The following NKAP variants were observed in gnomAD, a reference collection of about 807,000 sequenced individuals.
The protein encoded by NKAP is NFKB activating protein, also known as NF-kappa-B-activating protein.
Under a neutral mutation model 35.6 loss-of-function variants are expected in NKAP, and 4 were observed. That is an observed-to-expected ratio of 0.11 (90% CI 0.06 to 0.26). NKAP has a LOEUF of 0.26. NKAP is among the 10% of genes least tolerant of loss of function. The pLI is 1.00. For synonymous variants in NKAP, 106 were observed against 119.2 expected (o/e 0.89, Z 0.72); for missense variants, 238 against 321.9 (o/e 0.74, Z 1.99).
chrX:119,943,463 G>T lies in NKAP; in HGVS notation c.143C>A (p.Ser48Tyr). The T allele has an allele frequency of 8.3e-7, 1 of 1,211,636 alleles. No individual in the cohort carries two copies. The highest frequency in any genetic ancestry group is 1.1e-6 in the Non-Finnish European group (1 of 895,189). ...GAGTCCATTCCGGTCCCCGGACCGA[G>T]AGCAAGAGTGCGAGCGAGAGCGGCG... Reference protein sequence around the residue: ...RGRRSRSHSCSRSGDRNGLTH... With the variant: ...RGRRSRSHSCYRSGDRNGLTH... Residue 48 changes from serine (S) to tyrosine (Y), a missense_variant, in exon 1 of 9, where the codon TCT (serine) becomes TAT (tyrosine). By Grantham distance (144) the Ser-to-Tyr change is moderately radical. Transcript: ENST00000371410.
At chrX:119,939,326 G>A (rs1005006308) in intron 1 of NKAP, among the ~76,000 whole-genome samples, 4 of 111,841 alleles carry the variant, frequency 3.6e-5, no homozygotes, top group Admixed American at 9.4e-5. Flanking sequence ...TCGCTCTGTC[G>A]CCCAGGCTGG....
In NKAP at chrX:119,921,851, G is replaced by C. The variant is rs1013921221; in HGVS notation, c.*3369C>G. 1.8e-5 allele frequency: 2 copies of C among 111,092 alleles called. No homozygotes were observed. The highest frequency in any genetic ancestry group is 6.5e-5 in the African/African-American group (2 of 30,660). The allele number at this position is 111,092 out of a possible 1,213,427, so 9.2% of individuals were successfully genotyped here. ...TTAGAGAATACATTTTTATTTGTTTGTTTATTTAGAGACGGAGTCTCATTC... is the reference window on the plus strand; with the variant it reads ...TTAGAGAATACATTTTTATTTGTTTCTTTATTTAGAGACGGAGTCTCATTC... On this transcript the variant is annotated 3_prime_UTR_variant, in exon 9 of 9. Coordinates refer to ENST00000371410, the MANE Select transcript of NKAP (RefSeq NM_024528.4).
intron 2 of NKAP, chrX:119,937,631 GA>G (rs2056773099): frequency 1.0e-5 from 1 of 97,700 alleles, no homozygotes; most frequent in South Asian, 4.9e-4. Context: ...AAAAAAAGAA[GA>G]AAGAAAACTA....
At chrX:119,931,815 T>C in intron 7 of NKAP, 121 bp downstream of exon 7, 1 of 571,255 alleles carries the variant, frequency 1.8e-6, no homozygotes, top group Non-Finnish European at 2.9e-6. Flanking sequence ...TATTTAGTAG[T>C]CCAGCTCAGC....
At chrX:119,932,335 AAAG>A (rs764168485) in intron 5 of NKAP, 119 bp from the exon 6 acceptor site, 261 of 432,710 alleles carry the variant, frequency 6.0e-4, no homozygotes, top group Non-Finnish European at 8.9e-4. Flanking sequence ...TTTTCAAGGC[AAAG>A]AAAGGTGACA....
At chrX:119,939,744 C>G (rs967251976) in intron 1 of NKAP, among the ~76,000 whole-genome samples, 4 of 105,279 alleles carry the variant, frequency 3.8e-5, no homozygotes, top group African/African-American at 1.4e-4. Context: ...AGTAAAAATA[C>G]AAAAATTAGC....
chrX:119,934,430 C>CAA (rs369386190), intron 5 of NKAP, 64 bp downstream of exon 5: 6,552 of 181,298 alleles, frequency 0.036, 109 homozygotes, highest in South Asian at 0.04. Context: ...GACTCTGTCT[C>CAA]AAAAAAAAAA....
At chrX:119,938,622 G>A (rs2056778044) in intron 2 of NKAP, 108 bp downstream of exon 2, 1 of 501,610 alleles carries the variant, frequency 2.0e-6, no homozygotes, top group Non-Finnish European at 3.2e-6. Context: ...TCACAAGAAA[G>A]AAAAATGTGA....
chrX:119,934,368 G>A, intron 5 of NKAP, 126 bp downstream of exon 5: 1 of 384,817 alleles, frequency 2.6e-6, no homozygotes, highest in Non-Finnish European at 4.0e-6. Flanking sequence ...GGGAGGCGGA[G>A]GTTGTAGTTA....
Position 119,929,878 on chromosome X carries a change from T to C in NKAP, c.1073+138A>G, listed in dbSNP as rs1012506730. 7 of 679,471 alleles carry C rather than the reference T, an allele frequency of 1.0e-5. No individual in the cohort carries two copies. In the African/African-American group the frequency reaches 1.1e-4, roughly 11 times the overall value. 56.0% of individuals were successfully genotyped at this position (679,471 alleles called of 1,213,427 possible). A position where few individuals can be genotyped will look rare whatever the true frequency, so the allele number is the denominator to read the frequency against. On this transcript the variant is annotated intron_variant, in intron 8 of 8. Transcript: ENST00000371410. Reference sequence around the variant, plus strand: ...AACCATGTTATACTAACAACACTAATATCAAACCAATATTTATACTCTACT... The same window carrying C: ...AACCATGTTATACTAACAACACTAACATCAAACCAATATTTATACTCTACT...
chrX:119,926,381 C>T (rs958626977), intron 8 of NKAP, among the ~76,000 whole-genome samples: 3 of 111,067 alleles, frequency 2.7e-5, no homozygotes, highest in Non-Finnish European at 5.7e-5. Flanking sequence ...ATTCCCCTGC[C>T]TCAGCCTCCC....
At chrX:119,934,626 A>G in intron 4 of NKAP, 69 bp from the exon 5 acceptor site, 1 of 721,950 alleles carries the variant, frequency 1.4e-6, no homozygotes, top group East Asian at 3.5e-5. Context: ...ACTTTTGAGT[A>G]GGTAACTATC....
At chrX:119,940,878 T>C (rs930871261) in intron 1 of NKAP, among the ~76,000 whole-genome samples, 2 of 111,858 alleles carry the variant, frequency 1.8e-5, no homozygotes, top group Admixed American at 1.9e-4. Flanking sequence ...AGATAAATTA[T>C]TGGCCGGGCC....
At chrX:119,926,938 G>A (rs2056717214) in intron 8 of NKAP, among the ~76,000 whole-genome samples, 1 of 102,730 alleles carries the variant, frequency 9.7e-6, no homozygotes, top group Non-Finnish European at 2.0e-5. Context: ...GTGGGCACCC[G>A]TAATCCCAGC....
At chrX:119,938,034 T>C (rs1435978826) in intron 2 of NKAP, 1 of 112,107 alleles carries the variant, frequency 8.9e-6, no homozygotes, top group Non-Finnish European at 1.9e-5. Flanking sequence ...AGTCTGCAGA[T>C]AGTATTGGAT....
intron 4 of NKAP, 41 bp from the exon 5 acceptor site, chrX:119,934,598 T>A: frequency 4.0e-6 from 4 of 1,004,444 alleles, no homozygotes; most frequent in African/African-American, 2.0e-5. Flanking sequence ...AAAAATTTTT[T>A]AACTCTAAAA....
intron 4 of NKAP, among the ~76,000 whole-genome samples, 178 bp downstream of exon 4, chrX:119,936,119 T>C (rs1014517199): frequency 2.7e-5 from 3 of 112,226 alleles, no homozygotes; most frequent in Non-Finnish European, 5.6e-5. Flanking sequence ...AGTTATTGTA[T>C]GGATTAAATG....
chrX:119,925,496 A>G, intron 8 of NKAP, 102 bp from the exon 9 acceptor site: 2 of 815,149 alleles, frequency 2.5e-6, no homozygotes, highest in Non-Finnish European at 3.4e-6. Context: ...AACAGCTGAC[A>G]AAAATTGAAA....
intron 7 of NKAP, 87 bp downstream of exon 7, chrX:119,931,849 G>C: frequency 1.4e-6 from 1 of 707,777 alleles, no homozygotes; most frequent in Non-Finnish European, 2.2e-6. Flanking sequence ...AGAAATAAGG[G>C]AATAGAGTCA....
Sources: allele counts gnomAD v4.1 joint callset (sites outside exome capture counted in the v4.1 genomes callset), GRCh38; gene constraint gnomAD v4.1.1; transcripts MANE v1.5; gene names NCBI Gene and HGNC (gene_info 2026-07-23, HGNC 2026-07-21).